Variants in COL4A1 observed in about 807,000 individuals in gnomAD.
COL4A1 encodes collagen type IV alpha 1 chain.
Under a neutral mutation model 216.6 loss-of-function variants are expected in COL4A1, and 40 were observed. That is an observed-to-expected ratio of 0.18 (90% CI 0.14 to 0.24). COL4A1 has a LOEUF of 0.24. Ranked by LOEUF, COL4A1 falls within the 10% of genes least tolerant of loss-of-function variation. The pLI is 1.00. For synonymous variants in COL4A1, 839 were observed against 810.7 expected (o/e 1.03, Z -0.59); for missense variants, 1,628 against 2,196.8 (o/e 0.74, Z 5.18).
At chr13:110,219,730 A>ATATGTGTG (rs1566385193) in intron 2 of COL4A1, among the ~76,000 whole-genome samples, 11 of 119,158 alleles carry the variant, frequency 9.2e-5, no homozygotes, top group Non-Finnish European at 1.9e-4. Context: ...ATATGTGTGT[A>ATATGTGTG]TATATATGTA....
At chr13:110,306,884 C>A (rs1324251213) in intron 1 of COL4A1, 60 bp downstream of exon 1, 28 of 1,395,734 alleles carry the variant, frequency 2.0e-5, no homozygotes, top group Admixed American at 5.7e-5. Context: ...GACAAAGGGG[C>A]CTCTCGGGGC....
chr13:110,176,405 T>C lies in COL4A1; in HGVS notation c.3058+19A>G. The C allele has an allele frequency of 6.4e-7, 1 of 1,559,106 alleles. No individual in the cohort carries two copies. ...CACACGCACACATGCTAAAGAATCC[T>C]CTTCTAAATCCAGTTTACCTGGCAA... On this transcript the variant is annotated intron_variant, in intron 36 of 51. Transcript: ENST00000375820.
intron 2 of COL4A1, among the ~76,000 whole-genome samples, chr13:110,225,609 A>G (rs1880701726): frequency 6.6e-6 from 1 of 152,212 alleles, no homozygotes; most frequent in Non-Finnish European, 1.5e-5. Context: ...ATAAACAAAA[A>G]TAAAATATTT....
rs543673474 is a variant in COL4A1 at position 110,301,350 on chromosome 13, C to G, written c.84+5594G>C. 3.3e-5 allele frequency among the ~76,000 whole-genome samples: 5 copies of G among 152,348 alleles called. No individual in the cohort carries two copies. The East Asian group carries it at 7.7e-4, about 24-fold the overall frequency. ...GCACTCTCCCAAACATGGTGGGATGCTTTAAAAAGAAGTTATGTCCTGGCA... is the reference window on the plus strand; with the variant it reads ...GCACTCTCCCAAACATGGTGGGATGGTTTAAAAAGAAGTTATGTCCTGGCA... On this transcript the variant is annotated intron_variant, in intron 1 of 51. Transcript: ENST00000375820.
At position 110,268,006 on chromosome 13, in the gene COL4A1, G is replaced by GC; in HGVS notation, c.85-25273dup. Among the ~76,000 whole-genome samples the GC allele has an allele frequency of 8.8e-6, 1 of 113,746 alleles. No homozygotes were observed. Among genetic ancestry groups the GC allele is most frequent in the South Asian group, 2.9e-4 (1 of 3,392 alleles). 74.6% of individuals were successfully genotyped at this position (113,746 alleles called of 152,430 possible). A position where few individuals can be genotyped will look rare whatever the true frequency, so the allele number is the denominator to read the frequency against. Reference sequence around the variant, plus strand: ...CATCATCAACACCTAGAACACAGCTGCCCCCCTCAAAAAAAAAATACAGAA... The same window carrying GC: ...CATCATCAACACCTAGAACACAGCTGCCCCCCCTCAAAAAAAAAATACAGAA... On this transcript the variant is annotated intron_variant, in intron 1 of 51. Coordinates refer to ENST00000375820, the MANE Select transcript of COL4A1 (RefSeq NM_001845.6). The surrounding 1 kb of genome is among the most constrained non-coding windows in gnomAD (Gnocchi z 4.1).
At chr13:110,283,638 T>C (rs114458462) in intron 1 of COL4A1, among the ~76,000 whole-genome samples, 1 of 152,142 alleles carries the variant, frequency 6.6e-6, no homozygotes, top group Non-Finnish European at 1.5e-5. Flanking sequence ...CTCAGGCACA[T>C]GCACACAGGC....
chr13:110,210,291 G>C lies in COL4A1; in HGVS notation c.469-79C>G, dbSNP rs1879730953. 3 of 1,355,206 alleles carry C rather than the reference G, an allele frequency of 2.2e-6. No individual in the cohort carries two copies. In the East Asian group the frequency reaches 7.1e-5, roughly 32 times the overall value. The allele number at this position is 1,355,206 out of a possible 1,614,324, so 83.9% of individuals were successfully genotyped here. The stretch of plus-strand genomic sequence containing the variant: ...GAAGCTGAAAACTCTTTGATAGTTG[G>C]CATATATTAGTGTTACAGGACTAGC... On this transcript the variant is annotated intron_variant, in intron 8 of 51. Transcript: ENST00000375820.
At chr13:110,173,302 C>T (rs1351711120) in intron 40 of COL4A1, among the ~76,000 whole-genome samples, 3 of 151,948 alleles carry the variant, frequency 2.0e-5, no homozygotes, top group Non-Finnish European at 4.4e-5. Context: ...AAAGCCAGCA[C>T]CAATAGCTGT....
intron 2 of COL4A1, among the ~76,000 whole-genome samples, chr13:110,218,883 G>A (rs558750507): frequency 3.3e-5 from 5 of 152,332 alleles, no homozygotes; most frequent in Admixed American, 1.3e-4. Context: ...TTTGAAGCCA[G>A]AGCTCACCAA....
chr13:110,233,949 G>A (rs1313689282), intron 2 of COL4A1, among the ~76,000 whole-genome samples: 4 of 152,212 alleles, frequency 2.6e-5, no homozygotes, highest in Non-Finnish European at 4.4e-5. Context: ...ATACTTAGCT[G>A]GATGGGGATC....
Position 110,261,015 on chromosome 13 carries a change from T to C in COL4A1, c.85-18281A>G, listed in dbSNP as rs898105294. On this transcript the variant is annotated intron_variant, in intron 1 of 51. Coordinates refer to ENST00000375820, the MANE Select transcript of COL4A1 (RefSeq NM_001845.6). ...TCGCGCCACTGCGCTCCAGCCTGGG[T>C]GACAGAGCGAGACTCCGTCTCAAAA... Among the ~76,000 whole-genome samples the C allele has an allele frequency of 2.0e-4, 20 of 99,010 alleles. No individual in the cohort carries two copies. The Admixed American group carries it at 2.6e-3, about 13-fold the overall frequency. 65.0% of individuals were successfully genotyped at this position (99,010 alleles called of 152,430 possible).
chr13:110,166,477 C>A (rs937050069), intron 44 of COL4A1, among the ~76,000 whole-genome samples, 174 bp from the exon 45 acceptor site: 2 of 152,128 alleles, frequency 1.3e-5, no homozygotes, highest in African/African-American at 4.8e-5. Flanking sequence ...ATTCATACAC[C>A]TGCTTATGCA....
chr13:110,288,449 T>C (rs975312054), intron 1 of COL4A1, among the ~76,000 whole-genome samples: 1 of 152,128 alleles, frequency 6.6e-6, no homozygotes, highest in African/African-American at 2.4e-5. Flanking sequence ...ATTTTGTCTC[T>C]TGCAACCAAA....
intron 1 of COL4A1, among the ~76,000 whole-genome samples, chr13:110,290,043 G>A (rs1386010793): frequency 6.6e-6 from 1 of 152,222 alleles, no homozygotes; most frequent in Middle Eastern, 3.2e-3. Context: ...GGGGGGCACA[G>A]CACCCTCGCA....
chr13:110,280,436 A>C (rs1883585709), intron 1 of COL4A1, among the ~76,000 whole-genome samples: 2 of 152,258 alleles, frequency 1.3e-5, no homozygotes, highest in African/African-American at 4.8e-5. Context: ...AATTCTCATG[A>C]ATACATCACA....
intron 1 of COL4A1, among the ~76,000 whole-genome samples, chr13:110,253,246 T>C (rs1181192070): frequency 1.4e-5 from 2 of 140,904 alleles, no homozygotes; most frequent in Admixed American, 7.3e-5. Context: ...ATTAGGTATA[T>C]ATACATATAA....
At chr13:110,265,775 C>T (rs563998881) in intron 1 of COL4A1, 16 of 152,284 alleles carry the variant, frequency 1.1e-4, no homozygotes, top group African/African-American at 3.8e-4. Flanking sequence ...GGGAGCTGCC[C>T]GTAGAATACA....
At chr13:110,188,193 C>T (rs543376939) in intron 24 of COL4A1, among the ~76,000 whole-genome samples, 1 of 152,380 alleles carries the variant, frequency 6.6e-6, no homozygotes, top group African/African-American at 2.4e-5. Flanking sequence ...CTGAGAAAGG[C>T]ATCTTCAGAC....
At chr13:110,252,637 T>C (rs1317814802) in intron 1 of COL4A1, among the ~76,000 whole-genome samples, 1 of 4,674 alleles carries the variant, frequency 2.1e-4, no homozygotes, top group East Asian at 0.17. Context: ...ATATTATATA[T>C]ACTTATATAC....
Sources: gnomAD v4.1 joint callset for allele counts (sites outside exome capture counted in the v4.1 genomes callset) on GRCh38, gnomAD v4.1.1 for gene constraint, Gnocchi (gnomAD v3.1) non-coding constraint, MANE v1.5 for transcripts, NCBI Gene and HGNC (gene_info 2026-07-23, HGNC 2026-07-21) for gene names.